Variants in ATP2B1 observed in about 807,000 individuals in gnomAD.
ATP2B1 encodes the protein ATPase plasma membrane Ca2+ transporting 1, also known as plasma membrane calcium-transporting ATPase 1.
Under a neutral mutation model 124.2 loss-of-function variants are expected in ATP2B1, and 14 were observed. That is an observed-to-expected ratio of 0.11 (90% CI 0.07 to 0.18). The LOEUF is 0.18. Ranked by LOEUF, ATP2B1 falls within the 10% of genes least tolerant of loss-of-function variation. ATP2B1 has a pLI of 1.00. For synonymous variants in ATP2B1, 449 were observed against 492.4 expected, an observed-to-expected ratio of 0.91 and a Z score of 1.17; for missense variants, 763 against 1,466.1, an observed-to-expected ratio of 0.52 and a Z score of 7.83.
intron 1 of ATP2B1, among the ~76,000 whole-genome samples, chr12:89,659,222 T>A (rs937715338): frequency 6.6e-6 from 1 of 152,144 alleles, no homozygotes; most frequent in Admixed American, 6.5e-5. Flanking sequence ...AGAAAAAATG[T>A]TAAGTGCAAG....
chr12:89,686,510 T>TA (rs1164500768), intron 1 of ATP2B1, among the ~76,000 whole-genome samples: 1 of 152,144 alleles, frequency 6.6e-6, no homozygotes, highest in African/African-American at 2.4e-5. Context: ...TATCCAATGT[T>TA]ACGCAACATT....
At chr12:89,617,449 T>C (rs1879164398) in intron 11 of ATP2B1, among the ~76,000 whole-genome samples, 1 of 152,182 alleles carries the variant, frequency 6.6e-6, no homozygotes, top group Non-Finnish European at 1.5e-5. Context: ...CCAAGCGTAG[T>C]CAACCCCTTA....
At chr12:89,601,253 T>A in intron 19 of ATP2B1, 73 bp downstream of exon 19, 1 of 1,062,440 alleles carries the variant, frequency 9.4e-7, no homozygotes. Context: ...ATGAAACTGT[T>A]AAAGAAAATA....
intron 1 of ATP2B1, among the ~76,000 whole-genome samples, chr12:89,662,326 T>C (rs1248028489): frequency 6.6e-6 from 1 of 152,176 alleles, no homozygotes; most frequent in Non-Finnish European, 1.5e-5. Context: ...TATAAGTGCT[T>C]GCATGTAATA....
intron 1 of ATP2B1, among the ~76,000 whole-genome samples, chr12:89,698,530 G>A (rs1018815840): frequency 6.6e-6 from 1 of 152,070 alleles, no homozygotes; most frequent in South Asian, 2.1e-4. Flanking sequence ...AAAATTTAGG[G>A]GAATGATTAC....
At position 89,588,785 on chromosome 12, in the gene ATP2B1, A is replaced by G. The variant is rs1170030478; in HGVS notation, c.*2199T>C. ...CACATGCACTTCTAAATCTTTTGGTAATTACATTCATATTTAAGCATAACC... is the reference window on the plus strand; with the variant it reads ...CACATGCACTTCTAAATCTTTTGGTGATTACATTCATATTTAAGCATAACC... On this transcript the variant is annotated 3_prime_UTR_variant, in exon 21 of 21. Coordinates refer to ENST00000428670, the MANE Select transcript of ATP2B1 (RefSeq NM_001366521.1). 1 of 152,598 alleles carries G rather than the reference A, an allele frequency of 6.6e-6. No individual in the cohort carries two copies. The highest frequency in any genetic ancestry group is 1.5e-5 in the Non-Finnish European group (1 of 68,014). The allele number at this position is 152,598 out of a possible 1,614,324, so 9.5% of individuals were successfully genotyped here.
intron 1 of ATP2B1, among the ~76,000 whole-genome samples, chr12:89,701,922 A>G (rs751650903): frequency 5.3e-5 from 8 of 152,166 alleles, no homozygotes; most frequent in Non-Finnish European, 1.0e-4. Context: ...ACCAGACTCT[A>G]AGACCGTCAC....
rs1259352668 is a variant in ATP2B1 at position 89,590,592 on chromosome 12, G to A, written c.*392C>T. Reference sequence around the variant, plus strand: ...TCCAAATTATTAACAGCCAACAGCAGAAATTAAACTATCAATTCAACGATC... The same window carrying A: ...TCCAAATTATTAACAGCCAACAGCAAAAATTAAACTATCAATTCAACGATC... On this transcript the variant is annotated 3_prime_UTR_variant, in exon 21 of 21. Coordinates refer to ENST00000428670, the MANE Select transcript of ATP2B1 (RefSeq NM_001366521.1). 2 of 161,316 alleles carry A rather than the reference G, an allele frequency of 1.2e-5. No homozygotes were observed. The highest frequency in any genetic ancestry group is 4.8e-5 in the African/African-American group (2 of 41,578). 10.0% of individuals were successfully genotyped at this position (161,316 alleles called of 1,614,324 possible). A position where few individuals can be genotyped will look rare whatever the true frequency, so the allele number is the denominator to read the frequency against.
At chr12:89,681,586 A>C (rs1282922290) in intron 1 of ATP2B1, among the ~76,000 whole-genome samples, 1 of 152,072 alleles carries the variant, frequency 6.6e-6, no homozygotes, top group Non-Finnish European at 1.5e-5. Flanking sequence ...CTGACATCTA[A>C]ACCTAATAAA....
chr12:89,606,076 C>T (rs2854368), intron 15 of ATP2B1, among the ~76,000 whole-genome samples: 144,700 of 152,320 alleles, frequency 0.95, 68,821 homozygotes, highest in East Asian at 0.99. Flanking sequence ...CCACACAGAT[C>T]AGGTTGAAAC....
At position 89,670,384 on chromosome 12, in the gene ATP2B1, T is replaced by TC. The variant is rs67225931; in HGVS notation, c.-221-14278dup. Reference sequence around the variant, plus strand: ...AAATAAAACCGAATTTTTTTTTTTTTCAATTGTTACGCATTCTGACTTTTT... The same window carrying TC: ...AAATAAAACCGAATTTTTTTTTTTTTCCAATTGTTACGCATTCTGACTTTTT... On this transcript the variant is annotated intron_variant, in intron 1 of 20. Coordinates refer to ENST00000428670, the MANE Select transcript of ATP2B1 (RefSeq NM_001366521.1). 6.6e-4 allele frequency among the ~76,000 whole-genome samples: 101 copies of TC among 152,006 alleles called. No individual in the cohort carries two copies. In the East Asian group the frequency reaches 0.011, roughly 17 times the overall value.
chr12:89,704,377 A>C (rs1442758007), intron 1 of ATP2B1, among the ~76,000 whole-genome samples: 2 of 152,210 alleles, frequency 1.3e-5, no homozygotes, highest in African/African-American at 4.8e-5. Context: ...TACACCAAAT[A>C]TAAGTAATGA....
chr12:89,636,416 T>C (rs2136202652), intron 3 of ATP2B1, among the ~76,000 whole-genome samples: 1 of 152,300 alleles, frequency 6.6e-6, no homozygotes, highest in Non-Finnish European at 1.5e-5. Context: ...ATAAGTATTA[T>C]TTCCTGAAAC....
intron 7 of ATP2B1, 134 bp from the exon 8 acceptor site, chr12:89,626,749 G>T: frequency 2.0e-6 from 2 of 982,554 alleles, no homozygotes; most frequent in Non-Finnish European, 2.9e-6. Context: ...GTGAGTGTGT[G>T]TGTGTGTCTA....
chr12:89,656,516 A>G (rs1177364278), intron 1 of ATP2B1, among the ~76,000 whole-genome samples: 1 of 152,232 alleles, frequency 6.6e-6, no homozygotes, highest in Non-Finnish European at 1.5e-5. Context: ...TTTTCTGCCC[A>G]GCTAACAAAT....
At chr12:89,673,313 C>T (rs1888220391) in intron 1 of ATP2B1, among the ~76,000 whole-genome samples, 1 of 152,150 alleles carries the variant, frequency 6.6e-6, no homozygotes, top group Non-Finnish European at 1.5e-5. Context: ...TACAGAGAAC[C>T]TATTAATATC....
At chr12:89,615,753 T>C (rs937750053) in intron 12 of ATP2B1, among the ~76,000 whole-genome samples, 1 of 152,178 alleles carries the variant, frequency 6.6e-6, no homozygotes, top group Non-Finnish European at 1.5e-5. Context: ...CAGTGGTCAA[T>C]ACAGTACAGT....
At chr12:89,627,770 G>A (rs376969551) in intron 6 of ATP2B1, 54 bp from the exon 7 acceptor site, 35 of 1,539,780 alleles carry the variant, frequency 2.3e-5, no homozygotes, top group Non-Finnish European at 3.1e-5. Context: ...ATACAGCCAT[G>A]CTAAATTATG....
At chr12:89,666,967 C>T (rs1887383600) in intron 1 of ATP2B1, among the ~76,000 whole-genome samples, 1 of 152,030 alleles carries the variant, frequency 6.6e-6, no homozygotes, top group African/African-American at 2.4e-5. Flanking sequence ...CACCCACCTC[C>T]CTGCCACAAA....
Sources: allele counts gnomAD v4.1 joint callset (sites outside exome capture counted in the v4.1 genomes callset), GRCh38; gene constraint gnomAD v4.1.1; transcripts MANE v1.5; gene names NCBI Gene and HGNC (gene_info 2026-07-23, HGNC 2026-07-21).